HTR2A: variants seen among roughly 807,000 people sequenced by gnomAD.
HTR2A encodes 5-hydroxytryptamine receptor 2A, also known as 5-HT2 receptor.
A neutral mutation model predicts 31.0 loss-of-function variants in HTR2A; 14 were observed. That is an observed-to-expected ratio of 0.45 (90% CI 0.30 to 0.71). The LOEUF is 0.71. Ranked by LOEUF, HTR2A falls within the 30% of genes least tolerant of loss-of-function variation. The probability of loss-of-function intolerance (pLI) is 0.09; values close to 1 mark genes in which losing one functional copy is unlikely to be tolerated. For synonymous variants in HTR2A, 209 were observed against 225.2 expected (o/e 0.93, Z 0.64); for missense variants, 442 against 573.3 (o/e 0.77, Z 2.34).
chr13:46,874,052 T>C (rs1485316207), intron 3 of HTR2A, among the ~76,000 whole-genome samples: 1 of 152,198 alleles, frequency 6.6e-6, no homozygotes, highest in Non-Finnish European at 1.5e-5. Flanking sequence ...ATGAAAATAT[T>C]TCTTGCTGGA....
chr13:46,854,196 C>T (rs1050584224), intron 3 of HTR2A: 16 of 152,132 alleles, frequency 1.1e-4, no homozygotes, highest in South Asian at 2.1e-4. Context: ...TGAGTTGTGA[C>T]GATTAAATGC....
In HTR2A at chr13:46,835,507, A is replaced by G. The variant is rs1566298291; in HGVS notation, c.746T>C (p.Ile249Thr). Residue 249 changes from isoleucine to threonine, a missense_variant, in exon 4 of 4, where the codon ATC becomes ACC. Coordinates refer to ENST00000542664, the MANE Select transcript of HTR2A (RefSeq NM_000621.5). ...SFVSFFIPLT[I>T]MVITYFLTIK... ...AGTTAGAAAGTAGGTGATCACCATGATGGTTAAGGGAATGAAAAATGACAC... is the reference window on the plus strand; with the variant it reads ...AGTTAGAAAGTAGGTGATCACCATGGTGGTTAAGGGAATGAAAAATGACAC... The G allele has an allele frequency of 6.2e-7, 1 of 1,614,052 alleles. No homozygotes were observed. Among genetic ancestry groups the G allele is most frequent in the Non-Finnish European group, 8.5e-7 (1 of 1,179,962 alleles).
chr13:46,880,708 G>C, intron 3 of HTR2A, among the ~76,000 whole-genome samples: 1 of 151,898 alleles, frequency 6.6e-6, no homozygotes, highest in South Asian at 2.1e-4. Flanking sequence ...GTGTGGTGGC[G>C]GGCACCTGTA....
chr13:46,885,349 G>A (rs1174579524), intron 3 of HTR2A, among the ~76,000 whole-genome samples: 3 of 152,004 alleles, frequency 2.0e-5, no homozygotes, highest in Non-Finnish European at 4.4e-5. Flanking sequence ...TATGGAGGGC[G>A]ATTTAAAACT....
chr13:46,869,118 T>C (rs774434933), intron 3 of HTR2A, among the ~76,000 whole-genome samples: 20 of 152,092 alleles, frequency 1.3e-4, no homozygotes, highest in Non-Finnish European at 2.1e-4. Context: ...CCTTTGTGCA[T>C]CAAAGTATGT....
In HTR2A at chr13:46,896,911, C is replaced by A; in HGVS notation, c.-566G>T. ...CACGGCTCGGCTGGGTTCCTCCCTC[C>A]CTGTGCGGCTCGCCTCAGCAGGCAC... On this transcript the variant is annotated 5_prime_UTR_variant, in exon 1 of 4. Coordinates refer to ENST00000542664, the MANE Select transcript of HTR2A (RefSeq NM_000621.5). 8.0e-7 allele frequency: 1 copy of A among 1,248,028 alleles called. No individual in the cohort carries two copies. The highest frequency in any genetic ancestry group is 1.4e-5 in the South Asian group (1 of 73,588). 77.3% of individuals were successfully genotyped at this position (1,248,028 alleles called of 1,614,324 possible). A position where few individuals can be genotyped will look rare whatever the true frequency, so the allele number is the denominator to read the frequency against.
chr13:46,888,969 T>C (rs1019069433), intron 3 of HTR2A, among the ~76,000 whole-genome samples: 2 of 152,020 alleles, frequency 1.3e-5, no homozygotes, highest in African/African-American at 4.8e-5. Context: ...AACTAGAATA[T>C]AGAACAAATA....
chr13:46,834,867 G>C lies in HTR2A; in HGVS notation c.1386C>G (p.Asp462Glu), dbSNP rs548771552. The C allele has an allele frequency of 6.2e-7, 1 of 1,613,372 alleles. No homozygotes were observed. The highest frequency in any genetic ancestry group is 2.2e-5 in the East Asian group (1 of 44,856). The change falls in exon 4 of 4, where the codon GAC (aspartate) becomes GAG (glutamate). Residue 462 changes from aspartate (D) to glutamate (E), a missense_variant. Coordinates refer to ENST00000542664, the MANE Select transcript of HTR2A (RefSeq NM_000621.5). ...CACAGCTCACCTTTTCATTCACTCC[G>C]TCGCTATTGTCTTTAGAAGCCTCTT... is the stretch of plus-strand genomic sequence containing the variant. ...HSEEASKDNS[D>E]GVNEKVSCV
In HTR2A at chr13:46,835,653, GA is replaced by G; in HGVS notation, c.614-15del. ...GCATGGATATACCTGGAGTTGAACA[GA>G]AAATGAAACATGATTATTAAGGAAT... On this transcript the variant is annotated splice_polypyrimidine_tract_variant and intron_variant, in intron 3 of 3. Coordinates refer to ENST00000542664, the MANE Select transcript of HTR2A (RefSeq NM_000621.5). The G allele has an allele frequency of 6.3e-7, 1 of 1,576,102 alleles. No individual in the cohort carries two copies. Among genetic ancestry groups the G allele is most frequent in the South Asian group, 1.1e-5 (1 of 87,794 alleles).
intron 2 of HTR2A, among the ~76,000 whole-genome samples, chr13:46,894,299 C>G (rs1360738244): frequency 5.3e-5 from 8 of 152,126 alleles, no homozygotes; most frequent in East Asian, 1.9e-4. Context: ...CCTCCAGCCT[C>G]TGTTTTGGGT....
At chr13:46,864,486 C>T (rs1208671398) in intron 3 of HTR2A, among the ~76,000 whole-genome samples, 1 of 152,122 alleles carries the variant, frequency 6.6e-6, no homozygotes, top group East Asian at 1.9e-4. Flanking sequence ...GCAGGTCTTA[C>T]AAGCCAGGAG....
chr13:46,870,817 G>A (rs921674729), intron 3 of HTR2A, among the ~76,000 whole-genome samples: 1 of 152,156 alleles, frequency 6.6e-6, no homozygotes, highest in African/African-American at 2.4e-5. Flanking sequence ...ATTCCACAAT[G>A]AGTTTTGCTT....
At chr13:46,890,036 T>C (rs115386069) in intron 3 of HTR2A, among the ~76,000 whole-genome samples, 1 of 152,192 alleles carries the variant, frequency 6.6e-6, no homozygotes, top group Non-Finnish European at 1.5e-5. Flanking sequence ...AAACACATAG[T>C]AGATGCACAT....
intron 3 of HTR2A, among the ~76,000 whole-genome samples, chr13:46,892,012 G>T (rs1386130860): frequency 6.6e-6 from 1 of 152,184 alleles, no homozygotes; most frequent in African/African-American, 2.4e-5. Flanking sequence ...ATGTTCTCTA[G>T]CAAAGTGGTC....
chr13:46,860,386 CAGAT>C (rs1950770282), intron 3 of HTR2A, among the ~76,000 whole-genome samples: 1 of 152,148 alleles, frequency 6.6e-6, no homozygotes, highest in Non-Finnish European at 1.5e-5. Flanking sequence ...ACCATAGCCT[CAGAT>C]AGGGTAAACA....
chr13:46,874,575 C>A (rs1371098764), intron 3 of HTR2A, among the ~76,000 whole-genome samples: 2 of 152,190 alleles, frequency 1.3e-5, no homozygotes, highest in African/African-American at 4.8e-5. Context: ...CAGAGAGAAA[C>A]CAATAGACAG....
chr13:46,869,601 G>A (rs950256823), intron 3 of HTR2A, among the ~76,000 whole-genome samples: 1 of 152,004 alleles, frequency 6.6e-6, no homozygotes. Flanking sequence ...TTAAAAACAG[G>A]TTATTAATAT....
Position 46,895,231 on chromosome 13 carries a change from A to G in HTR2A, c.412+264T>C, listed in dbSNP as rs1234357321. The G allele has an allele frequency of 2.7e-6, 1 of 364,490 alleles. No homozygotes were observed. Among genetic ancestry groups the G allele is most frequent in the Non-Finnish European group, 5.0e-6 (1 of 201,902 alleles). The allele number at this position is 364,490 out of a possible 1,614,324, so 22.6% of individuals were successfully genotyped here. ...TTAAATGTACATGTTTTGAAGCACA[A>G]AACTCTCCAATGATCATTTTTACAC... is the stretch of plus-strand genomic sequence containing the variant. On this transcript the variant is annotated intron_variant, in intron 2 of 3. Transcript: ENST00000542664. The surrounding 1 kb of genome is among the most constrained non-coding windows in gnomAD (Gnocchi z 4.4).
rs950368602 is a variant in HTR2A, at chr13:46,833,711, T to C, written c.*1126A>G. ...AAGGATTTTGTTTTAATTATTTTTA[T>C]ATTTCTCATATCTAGAAATTTGCTT... On this transcript the variant is annotated 3_prime_UTR_variant, in exon 4 of 4. Coordinates refer to ENST00000542664, the MANE Select transcript of HTR2A (RefSeq NM_000621.5). 2 of 152,230 alleles carry C rather than the reference T, an allele frequency of 1.3e-5. No individual in the cohort carries two copies. The highest frequency in any genetic ancestry group is 2.4e-5 in the African/African-American group (1 of 41,458). 9.4% of individuals were successfully genotyped at this position (152,230 alleles called of 1,614,324 possible).
Sources: allele counts gnomAD v4.1 joint callset (sites outside exome capture counted in the v4.1 genomes callset), GRCh38; gene constraint gnomAD v4.1.1; non-coding constraint Gnocchi (gnomAD v3.1); transcripts MANE v1.5; gene names NCBI Gene and HGNC (gene_info 2026-07-23, HGNC 2026-07-21).